IL1RAPL2: variants seen among roughly 807,000 people sequenced by gnomAD.
The protein encoded by IL1RAPL2 is X-linked interleukin-1 receptor accessory protein-like 2.
A neutral mutation model predicts 44.1 loss-of-function variants in IL1RAPL2; 3 were observed. That is an observed-to-expected ratio of 0.07 (90% CI 0.03 to 0.18). IL1RAPL2 has a LOEUF of 0.18. Among genes scored for constraint, IL1RAPL2 ranks in the 10% least tolerant of loss-of-function variants. The pLI, the probability that IL1RAPL2 is intolerant of heterozygous loss-of-function variation, is 1.00. For synonymous variants in IL1RAPL2, 181 were observed against 178.8 expected, an observed-to-expected ratio of 1.01 and a Z score of -0.10; for missense variants, 391 against 496.4, an observed-to-expected ratio of 0.79 and a Z score of 2.02.
At chrX:104,914,719 C>A (rs892617492) in intron 2 of IL1RAPL2, among the ~76,000 whole-genome samples, 42 of 110,272 alleles carry the variant, frequency 3.8e-4, no homozygotes, top group Non-Finnish European at 7.4e-4. Context: ...CTCCCCCATC[C>A]CCCACCCCAC....
chrX:105,190,675 A>G (rs2033625690), intron 2 of IL1RAPL2, among the ~76,000 whole-genome samples: 2 of 112,209 alleles, frequency 1.8e-5, no homozygotes, highest in South Asian at 7.4e-4. Context: ...AAAAATCCAG[A>G]ATCAGCAATT....
chrX:104,989,657 T>C (rs149020203), intron 2 of IL1RAPL2, among the ~76,000 whole-genome samples: 1,219 of 111,242 alleles, frequency 0.011, 19 homozygotes, highest in African/African-American at 0.037. Flanking sequence ...CAAAAAATGG[T>C]TTCCTATTTC....
At chrX:105,383,124 A>C (rs2147724982) in intron 5 of IL1RAPL2, among the ~76,000 whole-genome samples, 1 of 110,754 alleles carries the variant, frequency 9.0e-6, no homozygotes, top group South Asian at 3.9e-4. Flanking sequence ...TATAATAAAA[A>C]AAAAGAAAAT....
chrX:104,986,706 A>T (rs1167168591), intron 2 of IL1RAPL2, among the ~76,000 whole-genome samples: 2 of 112,467 alleles, frequency 1.8e-5, no homozygotes, highest in Non-Finnish European at 3.8e-5. Context: ...AGTCATGCCC[A>T]TGAGGCATTT....
At chrX:105,317,777 G>A (rs1437665394) in intron 5 of IL1RAPL2, among the ~76,000 whole-genome samples, 1 of 110,192 alleles carries the variant, frequency 9.1e-6, no homozygotes, top group Non-Finnish European at 1.9e-5. Context: ...TATAACTTAG[G>A]TGGAAAAAGT....
At chrX:104,624,815 C>A (rs1002331782) in intron 1 of IL1RAPL2, among the ~76,000 whole-genome samples, 6 of 111,105 alleles carry the variant, frequency 5.4e-5, no homozygotes, top group Non-Finnish European at 1.1e-4. Context: ...ATGGAAACAC[C>A]AGGCAGTGGT....
chrX:104,914,690 A>G (rs1045054281), intron 2 of IL1RAPL2, among the ~76,000 whole-genome samples: 10 of 110,487 alleles, frequency 9.1e-5, no homozygotes, highest in Non-Finnish European at 1.3e-4. Flanking sequence ...AGCATTAGGT[A>G]TATCTCCTAA....
chrX:105,074,389 C>T (rs2032257939), intron 2 of IL1RAPL2, among the ~76,000 whole-genome samples: 1 of 111,046 alleles, frequency 9.0e-6, no homozygotes, highest in Non-Finnish European at 1.9e-5. Flanking sequence ...CTGTTCTGTT[C>T]CATTGGTCTA....
At chrX:105,679,316 A>T (rs2147521882) in intron 6 of IL1RAPL2, among the ~76,000 whole-genome samples, 1 of 112,130 alleles carries the variant, frequency 8.9e-6, no homozygotes, top group South Asian at 3.7e-4. Context: ...GGTAACCAGG[A>T]ATTAAATATC....
intron 2 of IL1RAPL2, among the ~76,000 whole-genome samples, chrX:104,995,164 G>A (rs1190396350): frequency 9.0e-6 from 1 of 111,221 alleles, no homozygotes; most frequent in African/African-American, 3.3e-5. Context: ...ATGCTACACA[G>A]TTATTTGCTT....
At chrX:105,273,174 A>C (rs746063022) in intron 5 of IL1RAPL2, among the ~76,000 whole-genome samples, 10 of 111,686 alleles carry the variant, frequency 9.0e-5, no homozygotes, top group Non-Finnish European at 9.4e-5. Context: ...TGCAACATAC[A>C]TTGCGTTTAG....
intron 2 of IL1RAPL2, among the ~76,000 whole-genome samples, chrX:104,963,474 T>A (rs1295534799): frequency 8.9e-6 from 1 of 111,897 alleles, no homozygotes; most frequent in Non-Finnish European, 1.9e-5. Flanking sequence ...CATTCTGACA[T>A]CTAGGCATTT....
intron 5 of IL1RAPL2, among the ~76,000 whole-genome samples, chrX:105,428,748 A>G (rs1234442007): frequency 9.0e-6 from 1 of 111,632 alleles, no homozygotes; most frequent in African/African-American, 3.3e-5. Flanking sequence ...CTCCTATAGA[A>G]CTAATCATTC....
At chrX:104,684,994 G>C (rs1428826668) in intron 2 of IL1RAPL2, among the ~76,000 whole-genome samples, 1 of 112,245 alleles carries the variant, frequency 8.9e-6, no homozygotes, top group Non-Finnish European at 1.9e-5. Flanking sequence ...CCATTTTAAA[G>C]TGAGCAGAAT....
intron 2 of IL1RAPL2, among the ~76,000 whole-genome samples, chrX:105,103,766 G>C (rs1357299256): frequency 9.0e-6 from 1 of 111,566 alleles, no homozygotes; most frequent in East Asian, 2.8e-4. Context: ...TATGATATTT[G>C]ACAGGGATTT....
intron 2 of IL1RAPL2, among the ~76,000 whole-genome samples, chrX:104,900,126 T>A (rs1923770688): frequency 8.9e-6 from 1 of 112,071 alleles, no homozygotes; most frequent in African/African-American, 3.2e-5. Context: ...AGGTGATATC[T>A]CATCACATCT....
At position 104,693,575 on chromosome X, in the gene IL1RAPL2, C is replaced by T. The variant is rs748261394; in HGVS notation, c.82+34580C>T. ...GCATTTGCAGAAACGGACTGCCACA[C>T]GGTGATAACTTGGCTGGACTAAAGC... is the stretch of plus-strand genomic sequence containing the variant. On this transcript the variant is annotated intron_variant, in intron 2 of 10. Transcript: ENST00000372582. 5.4e-5 allele frequency among the ~76,000 whole-genome samples: 6 copies of T among 111,904 alleles called. No homozygotes were observed. In the South Asian group the frequency reaches 1.5e-3, roughly 28 times the overall value.
intron 5 of IL1RAPL2, among the ~76,000 whole-genome samples, chrX:105,326,702 AATGT>A (rs2034941872): frequency 9.0e-6 from 1 of 111,524 alleles, no homozygotes; most frequent in Admixed American, 9.6e-5. Flanking sequence ...ATTAATAATA[AATGT>A]AGGGTTTTTT....
intron 5 of IL1RAPL2, among the ~76,000 whole-genome samples, chrX:105,307,898 C>G (rs2034764243): frequency 9.4e-6 from 1 of 106,652 alleles, no homozygotes; most frequent in African/African-American, 3.4e-5. Flanking sequence ...TATGATGCAA[C>G]AAGCTGTTCA....
Sources: gnomAD v4.1 joint callset for allele counts (sites outside exome capture counted in the v4.1 genomes callset) on GRCh38, gnomAD v4.1.1 for gene constraint, MANE v1.5 for transcripts, NCBI Gene and HGNC (gene_info 2026-07-23, HGNC 2026-07-21) for gene names.